Variants in PTPRD observed in about 807,000 individuals in gnomAD.
PTPRD encodes receptor-type tyrosine-protein phosphatase delta.
A neutral mutation model predicts 214.5 loss-of-function variants in PTPRD; 34 were observed. That is an observed-to-expected ratio of 0.16 (90% CI 0.12 to 0.21). PTPRD has a LOEUF of 0.21. Among genes scored for constraint, PTPRD ranks in the 10% least tolerant of loss-of-function variants. The probability of loss-of-function intolerance (pLI) is 1.00; values close to 1 mark genes in which losing one functional copy is unlikely to be tolerated. For synonymous variants in PTPRD, 1,128 were observed against 845.7 expected, an observed-to-expected ratio of 1.33 and a Z score of -5.79; for missense variants, 2,545 against 2,398.7, an observed-to-expected ratio of 1.06 and a Z score of -1.27.
chr9:9,323,867 G>T (rs1157209698), intron 9 of PTPRD, among the ~76,000 whole-genome samples: 1 of 152,090 alleles, frequency 6.6e-6, no homozygotes, highest in South Asian at 2.1e-4. Context: ...ACAGGCCCTG[G>T]TGTGTGATGT....
At chr9:9,612,481 G>A (rs760208175) in intron 7 of PTPRD, among the ~76,000 whole-genome samples, 108 of 152,264 alleles carry the variant, frequency 7.1e-4, no homozygotes, top group African/African-American at 2.4e-3. Context: ...CAGAGTGCAG[G>A]TGTGCATATA....
At chr9:10,476,987 T>C (rs945832590) in intron 2 of PTPRD, among the ~76,000 whole-genome samples, 1 of 151,896 alleles carries the variant, frequency 6.6e-6, no homozygotes, top group African/African-American at 2.4e-5. Context: ...AAAATTAAGA[T>C]GGATTAAAGA....
chr9:8,547,368 G>C (rs1382068913), intron 14 of PTPRD, among the ~76,000 whole-genome samples: 11 of 152,120 alleles, frequency 7.2e-5, no homozygotes, highest in Admixed American at 6.6e-4. Context: ...GGGTTAAATA[G>C]GCATAGTGGG....
intron 15 of PTPRD, chr9:8,528,373 C>A: frequency 3.3e-6 from 2 of 614,576 alleles, no homozygotes; most frequent in East Asian, 2.8e-5. Flanking sequence ...GTGGATTAAA[C>A]AGAAGCTGCA....
intron 12 of PTPRD, among the ~76,000 whole-genome samples, chr9:8,694,885 G>C (rs1037880974): frequency 3.9e-5 from 6 of 152,198 alleles, no homozygotes; most frequent in African/African-American, 1.4e-4. Context: ...CACTGCTACA[G>C]TCCCAAACAA....
At chr9:8,501,511 G>T (rs2097406296) in intron 23 of PTPRD, among the ~76,000 whole-genome samples, 1 of 152,164 alleles carries the variant, frequency 6.6e-6, no homozygotes, top group Non-Finnish European at 1.5e-5. Context: ...CTAGAATGAG[G>T]ATGGTTTACA....
chr9:8,813,494 C>T (rs1410622645), intron 11 of PTPRD, among the ~76,000 whole-genome samples: 4 of 152,158 alleles, frequency 2.6e-5, no homozygotes, highest in Non-Finnish European at 4.4e-5. Context: ...CCTCAGCCTC[C>T]TCGGTACTTG....
chr9:8,329,770 C>CAGCCCTGTTTGAACTTCCTGCTGG (rs1179017455), intron 44 of PTPRD, among the ~76,000 whole-genome samples: 3 of 152,114 alleles, frequency 2.0e-5, no homozygotes, highest in African/African-American at 7.2e-5. Context: ...GCAGTGGACT[C>CAGCCCTGTTTGAACTTCCTGCTGG]AGCCCTGTTT....
At chr9:10,101,147 G>A (rs1221931990) in intron 3 of PTPRD, among the ~76,000 whole-genome samples, 4 of 151,734 alleles carry the variant, frequency 2.6e-5, no homozygotes, top group Middle Eastern at 3.4e-3. Flanking sequence ...GTGAGAAAGT[G>A]GGGCATATGG....
In PTPRD at chr9:8,839,300, TTTTATTTATTTATTTATTTA is replaced by T. The variant is rs3046017; in HGVS notation, c.-103-105374_-103-105355del. ...ATAATTTTCAGATTGACCAAGGGGA[TTTTATTTATTTATTTATTTA>T]TTTATTTATTTATTTATTTATTTGA... On this transcript the variant is annotated intron_variant, in intron 11 of 45. Transcript: ENST00000381196. Among the ~76,000 whole-genome samples the T allele has an allele frequency of 5.3e-5, 8 of 150,430 alleles. No homozygotes were observed. In the East Asian group the frequency reaches 1.2e-3, roughly 22 times the overall value.
intron 2 of PTPRD, among the ~76,000 whole-genome samples, chr9:10,575,360 A>C (rs961593476): frequency 2.3e-4 from 35 of 152,208 alleles, no homozygotes; most frequent in African/African-American, 8.2e-4. Context: ...AACATAAAAA[A>C]GTTCTTTCTC....
rs559862321 is a variant in PTPRD, at chr9:9,436,690, T to C, written c.-236-39208A>G. 2.6e-5 allele frequency among the ~76,000 whole-genome samples: 4 copies of C among 152,170 alleles called. No individual in the cohort carries two copies. In the East Asian group the frequency reaches 7.7e-4, roughly 29 times the overall value. ...TTCAGGAATTGAAAAAAAAAATCTC[T>C]CTACATGAAGGAAGTAGAAGTTGGA... is the stretch of plus-strand genomic sequence containing the variant. On this transcript the variant is annotated intron_variant, in intron 8 of 45. Transcript: ENST00000381196.
chr9:9,886,966 T>A (rs1600948384), intron 5 of PTPRD, among the ~76,000 whole-genome samples: 1 of 152,056 alleles, frequency 6.6e-6, no homozygotes, highest in East Asian at 1.9e-4. Context: ...CACACCACTG[T>A]CCCCAAACAC....
At chr9:9,707,359 C>T (rs2097642892) in intron 7 of PTPRD, among the ~76,000 whole-genome samples, 1 of 152,156 alleles carries the variant, frequency 6.6e-6, no homozygotes, top group Admixed American at 6.6e-5. Context: ...ATTCGATTTA[C>T]ACAAGATACA....
At chr9:9,532,990 T>C (rs150929654) in intron 8 of PTPRD, among the ~76,000 whole-genome samples, 2 of 152,186 alleles carry the variant, frequency 1.3e-5, no homozygotes, top group African/African-American at 4.8e-5. Context: ...AAGAATTCAG[T>C]GAAGACAGTG....
chr9:8,374,168 A>G (rs1462436887), intron 39 of PTPRD, among the ~76,000 whole-genome samples: 1 of 149,900 alleles, frequency 6.7e-6, no homozygotes, highest in African/African-American at 2.4e-5. Flanking sequence ...TATTTTTGCC[A>G]TTAGGCATAT....
chr9:9,454,558 GA>G (rs996982970), intron 8 of PTPRD, among the ~76,000 whole-genome samples: 2 of 151,686 alleles, frequency 1.3e-5, no homozygotes, highest in African/African-American at 4.8e-5. Context: ...AGTTCAGTAA[GA>G]ATTTTCAAGA....
Position 8,375,918 on chromosome 9 carries a change from T to C in PTPRD, c.4661+18A>G, listed in dbSNP as rs764271041. 1.2e-6 allele frequency: 2 copies of C among 1,601,580 alleles called. No individual in the cohort carries two copies. The highest frequency in any genetic ancestry group is 1.7e-6 in the Non-Finnish European group (2 of 1,174,286). ...TAGCTTTCTGTTTCCTGACTGCAAG[T>C]GAACAAACGCTTCTTACCTGCAGTG... is the stretch of plus-strand genomic sequence containing the variant. On this transcript the variant is annotated intron_variant, in intron 39 of 45. Transcript: ENST00000381196.
At chr9:9,721,540 C>T (rs1193232331) in intron 7 of PTPRD, among the ~76,000 whole-genome samples, 2 of 152,048 alleles carry the variant, frequency 1.3e-5, no homozygotes, top group African/African-American at 4.8e-5. Flanking sequence ...ACTTTAATTC[C>T]TTAGACATGA....
Sources: gnomAD v4.1 joint callset for allele counts (sites outside exome capture counted in the v4.1 genomes callset) on GRCh38, gnomAD v4.1.1 for gene constraint, MANE v1.5 for transcripts, NCBI Gene and HGNC (gene_info 2026-07-23, HGNC 2026-07-21) for gene names.